TENM4: variants seen among roughly 807,000 people sequenced by gnomAD.
The protein encoded by TENM4 is teneurin transmembrane protein 4.
TENM4 carries 82 observed loss-of-function variants against 243.3 expected under a neutral mutation model. The observed-to-expected ratio is 0.34, with a 90% CI of 0.28 to 0.40. The LOEUF (loss-of-function observed/expected upper bound fraction) is 0.40. Ranked by LOEUF, TENM4 falls within the 10% of genes least tolerant of loss-of-function variation. The pLI is 1.00. For missense variants in TENM4, 3,138 were observed against 3,673.3 expected, an observed-to-expected ratio of 0.85 and a Z score of 3.77; for synonymous variants, 1,412 against 1,456.3, an observed-to-expected ratio of 0.97 and a Z score of 0.69.
intron 7 of TENM4, among the ~76,000 whole-genome samples, chr11:78,900,098 C>T (rs981115239): frequency 3.3e-5 from 5 of 152,256 alleles, no homozygotes; most frequent in South Asian, 2.1e-4. Context: ...CCTGTCAACG[C>T]GATGTGGAGT....
At chr11:79,009,198 C>A (rs1353671795) in intron 6 of TENM4, among the ~76,000 whole-genome samples, 1 of 152,186 alleles carries the variant, frequency 6.6e-6, no homozygotes, top group Non-Finnish European at 1.5e-5. Context: ...CTTACCCTAA[C>A]CAAGCTGGAC....
intron 6 of TENM4, among the ~76,000 whole-genome samples, chr11:78,983,048 T>C (rs1857837408): frequency 6.6e-6 from 1 of 152,222 alleles, no homozygotes; most frequent in South Asian, 2.1e-4. Context: ...ACTATTTCTT[T>C]GACCTTCAAT....
intron 6 of TENM4, among the ~76,000 whole-genome samples, chr11:78,967,898 G>A (rs982391807): frequency 3.6e-4 from 55 of 152,300 alleles, no homozygotes; most frequent in Middle Eastern, 3.4e-3. Context: ...AGATGAAGAT[G>A]GAGAAAGAAG....
chr11:79,000,652 C>A (rs1002836276), intron 6 of TENM4, among the ~76,000 whole-genome samples: 6 of 152,046 alleles, frequency 3.9e-5, no homozygotes, highest in African/African-American at 1.4e-4. Context: ...AAAGGTATTA[C>A]AATGCTACAT....
At chr11:79,362,606 A>G (rs1029737846) in intron 1 of TENM4, among the ~76,000 whole-genome samples, 34 of 152,354 alleles carry the variant, frequency 2.2e-4, no homozygotes, top group Non-Finnish European at 4.1e-4. Flanking sequence ...TGCCTGGGGC[A>G]GCTCATCAGT....
rs1855688653 is a variant in TENM4, at chr11:78,732,333, T to C, written c.3121A>G (p.Ile1041Val). ...FASSCAEKGP[I>V]VPEIQALQEE... The stretch of plus-strand genomic sequence containing the variant: ...CTGGGTACCTGAATTTCCGGCACAA[T>C]GGGGCCTTTCTCTGCACAGGAGCTG... The change falls in exon 21 of 34, where the codon ATT (isoleucine) becomes GTT (valine). Residue 1041 changes from isoleucine to valine, a missense_variant. Transcript: ENST00000278550. 5 of 1,605,076 alleles carry C rather than the reference T, an allele frequency of 3.1e-6. No homozygotes were observed. In the South Asian group the frequency reaches 3.3e-5, roughly 11 times the overall value.
chr11:79,138,564 T>G (rs1862169827), intron 4 of TENM4, among the ~76,000 whole-genome samples: 1 of 24,198 alleles, frequency 4.1e-5, no homozygotes, highest in Non-Finnish European at 8.8e-5. Flanking sequence ...TATAAATACA[T>G]AAAACATATA....
intron 28 of TENM4, among the ~76,000 whole-genome samples, chr11:78,693,102 T>C (rs1858866541): frequency 6.6e-6 from 1 of 152,240 alleles, no homozygotes; most frequent in Non-Finnish European, 1.5e-5. Flanking sequence ...GTTTACTTAA[T>C]GAATAAATAT....
intron 4 of TENM4, among the ~76,000 whole-genome samples, chr11:79,107,409 C>A (rs1861399642): frequency 6.6e-6 from 1 of 152,124 alleles, no homozygotes; most frequent in South Asian, 2.1e-4. Flanking sequence ...CCTTCCCCAT[C>A]TCTCCACCCA....
chr11:78,711,284 G>A (rs665892), intron 26 of TENM4, among the ~76,000 whole-genome samples: 60,098 of 152,096 alleles, frequency 0.4, 14,581 homozygotes, highest in African/African-American at 0.69. Flanking sequence ...AGGAATCATC[G>A]TTTATGGGAT....
intron 2 of TENM4, among the ~76,000 whole-genome samples, chr11:79,238,463 T>C (rs1864520088): frequency 6.6e-6 from 1 of 152,112 alleles, no homozygotes; most frequent in South Asian, 2.1e-4. Context: ...GAGATCCATC[T>C]CCTCCTGCCT....
chr11:78,932,003 A>C (rs1856680152), intron 6 of TENM4, among the ~76,000 whole-genome samples: 1 of 152,120 alleles, frequency 6.6e-6, no homozygotes, highest in African/African-American at 2.4e-5. Flanking sequence ...TAACAACAAC[A>C]AAAAAAGGTA....
Position 79,216,104 on chromosome 11 carries a change from A to C in TENM4, c.-264-195T>G, listed in dbSNP as rs17137873. Among the ~76,000 whole-genome samples the C allele has an allele frequency of 9.8e-4, 150 of 152,350 alleles. 1 individual carries two copies. The East Asian group carries it at 0.011, about 11-fold the overall frequency. On this transcript the variant is annotated intron_variant, in intron 2 of 33. Coordinates refer to ENST00000278550, the MANE Select transcript of TENM4 (RefSeq NM_001098816.3). ...CAAATCCCACACAGATGGTTCCTCT[A>C]TGCAGCCTTCCTGAGAGGCTCAAAT...
chr11:79,429,260 C>A (rs1443731774), intron 1 of TENM4, among the ~76,000 whole-genome samples: 1 of 152,134 alleles, frequency 6.6e-6, no homozygotes, highest in African/African-American at 2.4e-5. Context: ...TAGGGGTCCT[C>A]TCAGAGTCTG....
chr11:78,903,771 G>C (rs1309520821), intron 6 of TENM4: 4 of 712,656 alleles, frequency 5.6e-6, no homozygotes, highest in Admixed American at 2.0e-5. Flanking sequence ...TAGCAGGGGA[G>C]TGAAACAATA....
chr11:78,873,458 T>G (rs1383307606), intron 9 of TENM4, among the ~76,000 whole-genome samples: 1 of 152,224 alleles, frequency 6.6e-6, no homozygotes, highest in Non-Finnish European at 1.5e-5. Context: ...ATGAGGAAAC[T>G]GAGGCTTAAA....
chr11:79,152,064 G>C (rs765018135), intron 3 of TENM4, among the ~76,000 whole-genome samples: 1 of 152,104 alleles, frequency 6.6e-6, no homozygotes, highest in South Asian at 2.1e-4. Flanking sequence ...CAAAGAGTAC[G>C]TGCTAAATAA....
chr11:79,345,260 G>A (rs1460875371), intron 1 of TENM4, among the ~76,000 whole-genome samples: 1 of 152,104 alleles, frequency 6.6e-6, no homozygotes, highest in South Asian at 2.1e-4. Flanking sequence ...CTAATGTCAT[G>A]GGCTTTTTCT....
chr11:78,811,979 C>T lies in TENM4; in HGVS notation c.1978+143G>A, dbSNP rs939133057. The T allele has an allele frequency of 4.1e-6, 4 of 972,230 alleles. No homozygotes were observed. The African/African-American group carries it at 6.6e-5, about 16-fold the overall frequency. The allele number at this position is 972,230 out of a possible 1,614,324, so 60.2% of individuals were successfully genotyped here. ...TCTTCCTTTGGATTAGTTACTGTTG[C>T]TGGTGGGTGGGCTCCTGGCTTGGGG... On this transcript the variant is annotated intron_variant, in intron 14 of 33. Coordinates refer to ENST00000278550, the MANE Select transcript of TENM4 (RefSeq NM_001098816.3).
Sources: allele counts gnomAD v4.1 joint callset (sites outside exome capture counted in the v4.1 genomes callset), GRCh38; gene constraint gnomAD v4.1.1; transcripts MANE v1.5; gene names NCBI Gene and HGNC (gene_info 2026-07-23, HGNC 2026-07-21).